Variants in KIAA1671 observed in about 807,000 individuals in gnomAD.
The protein encoded by KIAA1671 is KIAA1671, also known as uncharacterized protein KIAA1671.
Under a neutral mutation model 131.2 loss-of-function variants are expected in KIAA1671, and 52 were observed. The observed-to-expected ratio is 0.40, with a 90% confidence interval of 0.32 to 0.50. The LOEUF (loss-of-function observed/expected upper bound fraction) is 0.50, where lower values mean the gene tolerates loss of function less well. Among genes scored for constraint, KIAA1671 ranks in the 20% least tolerant of loss-of-function variants. KIAA1671 has a pLI of 0.73. For synonymous variants in KIAA1671, 1,003 were observed against 961.6 expected, an observed-to-expected ratio of 1.04 and a Z score of -0.80; for missense variants, 2,360 against 2,364.2, an observed-to-expected ratio of 1.00 and a Z score of 0.04.
intron 4 of KIAA1671, among the ~76,000 whole-genome samples, chr22:25,035,381 C>T (rs1039159172): frequency 1.3e-5 from 2 of 152,082 alleles, no homozygotes; most frequent in African/African-American, 4.8e-5. Context: ...GGGTAAACAT[C>T]TAGGAGTAGA....
rs184122471 is a variant in KIAA1671, at chr22:25,132,392, G to A, written c.4531-38428G>A. ...CCAGGGCTGAGACCCACTGGGGTCA[G>A]GGGGCATAGCAGAAAGAACACAGGC... On this transcript the variant is annotated intron_variant, in intron 6 of 12. Coordinates refer to ENST00000358431, the MANE Select transcript of KIAA1671 (RefSeq NM_001145206.2). Among the ~76,000 whole-genome samples the A allele has an allele frequency of 3.2e-3, 483 of 152,300 alleles. 3 individuals are homozygous for A. Among genetic ancestry groups the A allele is most frequent in the African/African-American group, 0.011 (452 of 41,556 alleles).
intron 6 of KIAA1671, among the ~76,000 whole-genome samples, chr22:25,080,173 G>A (rs985305926): frequency 2.0e-5 from 3 of 151,634 alleles, no homozygotes; most frequent in Non-Finnish European, 4.4e-5. Flanking sequence ...GCACTTGTTG[G>A]TTGAGTTTGA....
At chr22:25,078,848 C>T (rs1049282966) in intron 6 of KIAA1671, among the ~76,000 whole-genome samples, 2 of 152,118 alleles carry the variant, frequency 1.3e-5, no homozygotes, top group African/African-American at 4.8e-5. Context: ...CTGACTTGAG[C>T]TGTGGGCGCC....
At chr22:25,117,636 C>CACACACACACAG (rs1491355386) in intron 6 of KIAA1671, among the ~76,000 whole-genome samples, 4 of 144,410 alleles carry the variant, frequency 2.8e-5, no homozygotes, top group Admixed American at 2.8e-4. Flanking sequence ...CACACACACA[C>CACACACACACAG]AGACACACTG....
chr22:25,116,573 C>T (rs1410731617), intron 6 of KIAA1671, among the ~76,000 whole-genome samples: 4 of 152,018 alleles, frequency 2.6e-5, no homozygotes, highest in African/African-American at 9.7e-5. Context: ...AGGCGTGTTC[C>T]ACCACACCCG....
rs1568993663 is a variant in KIAA1671 at position 25,177,464 on chromosome 22, GAGC to G, written c.5019_5021del (p.Ser1673del). 1 of 1,551,660 alleles carries G rather than the reference GAGC, an allele frequency of 6.4e-7. No homozygotes were observed. Among genetic ancestry groups the G allele is most frequent in the Non-Finnish European group, 8.7e-7 (1 of 1,146,982 alleles). On this transcript the variant is annotated inframe_deletion, in exon 9 of 13. Coordinates refer to ENST00000358431, the MANE Select transcript of KIAA1671 (RefSeq NM_001145206.2). The stretch of plus-strand genomic sequence containing the variant: ...GGCGCAGCCGATTTAGTGAGTCCGA[GAGC>G]AGATCACCTTTGGAGGATGAGACTG...
chr22:24,967,822 C>A (rs150816041), intron 1 of KIAA1671, among the ~76,000 whole-genome samples: 1 of 152,128 alleles, frequency 6.6e-6, no homozygotes, highest in African/African-American at 2.4e-5. Flanking sequence ...GAAACCCTGT[C>A]TCTACTAAAA....
intron 6 of KIAA1671, chr22:25,110,924 A>G (rs1931302676): frequency 6.6e-6 from 1 of 152,412 alleles, no homozygotes; most frequent in Admixed American, 6.5e-5. Flanking sequence ...AGCCCTCCCC[A>G]GTCCTTCCTG....
chr22:25,178,190 C>T (rs1329107100), intron 9 of KIAA1671, among the ~76,000 whole-genome samples: 1 of 152,206 alleles, frequency 6.6e-6, no homozygotes, highest in Non-Finnish European at 1.5e-5. Context: ...GCTGACCATC[C>T]TCCAAGGCCA....
rs1249444432 is a variant in KIAA1671, at chr22:25,113,625, C to A, written c.4531-57195C>A. ...GCTGACCCAGAGGTGTGACTCACCC[C>A]AGGTCACGCAGCAGCCAGAGCAGGC... On this transcript the variant is annotated intron_variant, in intron 6 of 12. Transcript: ENST00000358431. 5.3e-5 allele frequency among the ~76,000 whole-genome samples: 8 copies of A among 152,320 alleles called. No homozygotes were observed. In the South Asian group the frequency reaches 6.2e-4, roughly 12 times the overall value.
chr22:25,097,829 T>C (rs910564384), intron 6 of KIAA1671, among the ~76,000 whole-genome samples: 1 of 151,994 alleles, frequency 6.6e-6, no homozygotes, highest in African/African-American at 2.4e-5. Context: ...ACCTGAAATA[T>C]TTACCATATG....
intron 1 of KIAA1671, among the ~76,000 whole-genome samples, chr22:24,990,382 T>C (rs1923773348): frequency 1.3e-5 from 2 of 152,186 alleles, no homozygotes; most frequent in Admixed American, 1.3e-4. Flanking sequence ...TGAGCCACCT[T>C]GCCTGGCCTG....
intron 4 of KIAA1671, among the ~76,000 whole-genome samples, chr22:25,037,296 C>T (rs1926660202): frequency 1.3e-5 from 2 of 152,082 alleles, no homozygotes; most frequent in Admixed American, 1.3e-4. Flanking sequence ...GCACTCCAGC[C>T]TGGGCAAAAG....
chr22:25,180,949 C>T (rs771339694), intron 9 of KIAA1671, among the ~76,000 whole-genome samples: 6 of 152,190 alleles, frequency 3.9e-5, no homozygotes, highest in Non-Finnish European at 8.8e-5. Flanking sequence ...ACCTCTGGCT[C>T]CCATCAGCCT....
At chr22:25,131,646 T>C (rs963526779) in intron 6 of KIAA1671, among the ~76,000 whole-genome samples, 1 of 152,262 alleles carries the variant, frequency 6.6e-6, no homozygotes, top group Middle Eastern at 3.2e-3. Flanking sequence ...GCCTGTTGCA[T>C]GTGTCCTGTT....
At chr22:25,147,974 C>T (rs1234973829) in intron 6 of KIAA1671, among the ~76,000 whole-genome samples, 1 of 142,958 alleles carries the variant, frequency 7.0e-6, no homozygotes. Context: ...CCTTTCCTCC[C>T]TTCCCCTCCC....
intron 6 of KIAA1671, among the ~76,000 whole-genome samples, chr22:25,122,723 C>G (rs1932000327): frequency 6.6e-6 from 1 of 152,178 alleles, no homozygotes; most frequent in South Asian, 2.1e-4. Flanking sequence ...GCCCATAATC[C>G]CAGCACTTTG....
intron 4 of KIAA1671, among the ~76,000 whole-genome samples, chr22:25,037,520 T>C (rs745809932): frequency 6.6e-6 from 1 of 152,064 alleles, no homozygotes; most frequent in South Asian, 2.1e-4. Flanking sequence ...ACTGTGCCCC[T>C]GGCCTTATTA....
At chr22:25,021,282 C>T (rs991769706) in intron 1 of KIAA1671, among the ~76,000 whole-genome samples, 3 of 149,670 alleles carry the variant, frequency 2.0e-5, no homozygotes, top group Admixed American at 6.7e-5. Flanking sequence ...TGGTCTTGAA[C>T]TCCTGGGCTC....
Sources: gnomAD v4.1 joint callset for allele counts (sites outside exome capture counted in the v4.1 genomes callset) on GRCh38, gnomAD v4.1.1 for gene constraint, MANE v1.5 for transcripts, NCBI Gene and HGNC (gene_info 2026-07-23, HGNC 2026-07-21) for gene names.